The following NOX4 variants were observed in gnomAD, a reference collection of about 807,000 sequenced individuals.
The protein encoded by NOX4 is kidney oxidase-1.
NOX4 carries 69 observed loss-of-function variants against 87.6 expected under a neutral mutation model. That is an observed-to-expected ratio of 0.79 (90% CI 0.65 to 0.96). NOX4 has a LOEUF of 0.96. Ranked by LOEUF, NOX4 falls within the 40% of genes least tolerant of loss-of-function variation. The pLI is 0.00. For missense variants in NOX4, 680 were observed against 681.5 expected, an observed-to-expected ratio of 1.00 and a Z score of 0.02; for synonymous variants, 275 against 238.2, an observed-to-expected ratio of 1.15 and a Z score of -1.42.
the NOX4 span, among the ~76,000 whole-genome samples, chr11:89,531,876 G>C: frequency 6.6e-6 from 1 of 152,244 alleles, no homozygotes; most frequent in Admixed American, 6.5e-5. Context: ...CTGTGGCCCA[G>C]GCACTCCAGC....
At chr11:89,543,629 G>A in the NOX4 span, among the ~76,000 whole-genome samples, 5 of 152,084 alleles carry the variant, frequency 3.3e-5, no homozygotes, top group East Asian at 9.6e-4. Context: ...AGTCGAGGAC[G>A]CTGTCTAAAA....
At chr11:89,524,675 T>TA in the NOX4 span, among the ~76,000 whole-genome samples, 8 of 151,692 alleles carry the variant, frequency 5.3e-5, no homozygotes, top group Non-Finnish European at 1.0e-4. Flanking sequence ...TTTTCTTTTT[T>TA]AAAAAAAAAG....
In NOX4 at chr11:89,325,265, A is replaced by T. The variant is rs1590923882; in HGVS notation, c.*1491T>A. On this transcript the variant is annotated 3_prime_UTR_variant, in exon 18 of 18. Transcript: ENST00000263317. ...CAGTCTCCCGAGTAGTTGGGATTAT[A>T]GGCACCCGCCACCACACCCGCCTAA... The T allele has an allele frequency of 6.6e-6, 1 of 151,724 alleles. No individual in the cohort carries two copies. Among genetic ancestry groups the T allele is most frequent in the South Asian group, 2.1e-4 (1 of 4,806 alleles). The allele number at this position is 151,724 out of a possible 1,614,324, so 9.4% of individuals were successfully genotyped here. A position where few individuals can be genotyped will look rare whatever the true frequency, so the allele number is the denominator to read the frequency against.
chr11:89,469,861 G>A (rs1019323624), intron 2 of NOX4, among the ~76,000 whole-genome samples: 1 of 151,828 alleles, frequency 6.6e-6, no homozygotes, highest in East Asian at 1.9e-4. Context: ...ATTACCTGAT[G>A]GGCTATTTTA....
the NOX4 span, among the ~76,000 whole-genome samples, chr11:89,524,648 A>G: frequency 6.6e-6 from 1 of 152,120 alleles, no homozygotes; most frequent in East Asian, 1.9e-4. Context: ...CCACCATTAC[A>G]AGGAAGATAC....
At chr11:89,526,328 G>A in the NOX4 span, among the ~76,000 whole-genome samples, 1 of 152,088 alleles carries the variant, frequency 6.6e-6, no homozygotes, top group Non-Finnish European at 1.5e-5. Context: ...AATGAGTAAT[G>A]ATCAAACCTG....
intron 11 of NOX4, among the ~76,000 whole-genome samples, chr11:89,385,766 T>C (rs1940655485): frequency 6.6e-6 from 1 of 152,178 alleles, no homozygotes; most frequent in Non-Finnish European, 1.5e-5. Flanking sequence ...TTTACTCACA[T>C]GACCCGAGTC....
intron 2 of NOX4, among the ~76,000 whole-genome samples, chr11:89,472,081 G>A (rs972336097): frequency 2.0e-5 from 3 of 152,044 alleles, no homozygotes; most frequent in South Asian, 2.1e-4. Context: ...TTTTGATAAG[G>A]TTTCATATGA....
the NOX4 span, among the ~76,000 whole-genome samples, chr11:89,514,104 A>T: frequency 6.6e-6 from 1 of 152,176 alleles, no homozygotes; most frequent in Non-Finnish European, 1.5e-5. Context: ...GAATATTGTC[A>T]TTTTAACAAT....
At chr11:89,550,904 T>C in the NOX4 span, among the ~76,000 whole-genome samples, 1 of 152,318 alleles carries the variant, frequency 6.6e-6, no homozygotes, top group African/African-American at 2.4e-5. Flanking sequence ...TTCTACAGGT[T>C]TTATGGTTTT....
At chr11:89,411,542 T>C (rs779080413) in intron 8 of NOX4, among the ~76,000 whole-genome samples, 1 of 152,130 alleles carries the variant, frequency 6.6e-6, no homozygotes, top group Non-Finnish European at 1.5e-5. Flanking sequence ...ACAAGCTGAC[T>C]GAGGAGTCCT....
intron 7 of NOX4, among the ~76,000 whole-genome samples, chr11:89,428,698 C>T (rs1317395235): frequency 1.3e-5 from 2 of 152,054 alleles, no homozygotes; most frequent in African/African-American, 2.4e-5. Flanking sequence ...AATACAGGAG[C>T]ACCCAGATTC....
intron 12 of NOX4, among the ~76,000 whole-genome samples, chr11:89,371,867 C>A (rs1939470559): frequency 6.6e-6 from 1 of 151,802 alleles, no homozygotes; most frequent in South Asian, 2.1e-4. Flanking sequence ...GCTCAAAGAT[C>A]TTTTTAATTC....
At chr11:89,380,217 T>C (rs1021663958) in intron 11 of NOX4, among the ~76,000 whole-genome samples, 83 of 152,168 alleles carry the variant, frequency 5.5e-4, no homozygotes, top group Admixed American at 1.6e-3. Context: ...TTAGAGCTTG[T>C]GGGGATGATA....
chr11:89,362,173 GACACACACAC>G (rs148208109), intron 12 of NOX4, among the ~76,000 whole-genome samples: 2 of 146,920 alleles, frequency 1.4e-5, no homozygotes, highest in Non-Finnish European at 3.0e-5. Flanking sequence ...CACAGACACA[GACACACACAC>G]ACACACACAC....
Position 89,449,424 on chromosome 11 carries a change from C to A in NOX4, c.349+16G>T. 6.5e-7 allele frequency: 1 copy of A among 1,542,414 alleles called. No individual in the cohort carries two copies. Among genetic ancestry groups the A allele is most frequent in the Middle Eastern group, 1.7e-4 (1 of 5,816 alleles). On this transcript the variant is annotated intron_variant, in intron 4 of 17. Coordinates refer to ENST00000263317, the MANE Select transcript of NOX4 (RefSeq NM_016931.5). ...GTAATTCTAACAAATTATTTAATAT[C>A]TTGTGGCTTTCTCACCTGAGAAAAT...
At chr11:89,498,704 A>G (rs2135509722), upstream of NOX4, 1 of 152,354 alleles carries the variant, frequency 6.6e-6, no homozygotes, top group South Asian at 2.1e-4. Flanking sequence ...AATGTTTCCC[A>G]TCACAGGGGA....
At chr11:89,425,497 T>C (rs1248096157) in intron 7 of NOX4, among the ~76,000 whole-genome samples, 1 of 151,320 alleles carries the variant, frequency 6.6e-6, no homozygotes, top group East Asian at 1.9e-4. Flanking sequence ...TATATTGCGA[T>C]GTGCTGTGCC....
At chr11:89,588,098 C>T in the NOX4 span, among the ~76,000 whole-genome samples, 45 of 152,170 alleles carry the variant, frequency 3.0e-4, 1 homozygote, top group South Asian at 8.9e-3. Flanking sequence ...TACTTATTTG[C>T]TTTTACTCTG....
Sources: gnomAD v4.1 joint callset for allele counts (sites outside exome capture counted in the v4.1 genomes callset) on GRCh38, gnomAD v4.1.1 for gene constraint, MANE v1.5 for transcripts, NCBI Gene and HGNC (gene_info 2026-07-23, HGNC 2026-07-21) for gene names.